NGLY1: variants seen among roughly 807,000 people sequenced by gnomAD.
NGLY1 encodes N-glycanase 1, also known as peptide-N(4)-(N-acetyl-beta-glucosaminyl)asparagine amidase.
In NGLY1, 68 loss-of-function variants were observed where a neutral mutation model predicts 84.6. The ratio of observed to expected loss-of-function variants is 0.80; its 90% CI spans 0.66 to 0.98. NGLY1 has a LOEUF of 0.98. Among genes scored for constraint, NGLY1 ranks in the 50% least tolerant of loss-of-function variants. The pLI, the probability that NGLY1 is intolerant of heterozygous loss-of-function variation, is 0.00. For missense variants in NGLY1, 779 were observed against 770.2 expected, an observed-to-expected ratio of 1.01 and a Z score of -0.14; for synonymous variants, 280 against 275.2, an observed-to-expected ratio of 1.02 and a Z score of -0.17.
At chr3:25,755,607 T>C in intron 3 of NGLY1, 5 of 1,493,162 alleles carry the variant, frequency 3.3e-6, no homozygotes, top group South Asian at 2.3e-5. Context: ...GGTTTCATCA[T>C]AGAACACAGC....
At position 25,751,161 on chromosome 3, in the gene NGLY1, G is replaced by A. The variant is rs764190715; in HGVS notation, c.595C>T (p.Pro199Ser). The A allele has an allele frequency of 6.2e-7, 1 of 1,613,432 alleles. No individual in the cohort carries two copies. Among genetic ancestry groups the A allele is most frequent in the Non-Finnish European group, 8.5e-7 (1 of 1,179,762 alleles). Reference sequence around the variant, plus strand: ...GATTTCCTTTTTAGTTCTTGGACCGGAATACAAGCCAACGCTTTCTCCTGA... The same window carrying A: ...GATTTCCTTTTTAGTTCTTGGACCGAAATACAAGCCAACGCTTTCTCCTGA... ...ALQEKALACI[P>S]VQELKRKSQE... The change falls in exon 4 of 12, where the codon CCG becomes TCG. Residue 199 changes from proline to serine, a missense_variant. Pro to Ser is a moderately conservative substitution (Grantham distance 74). Transcript: ENST00000280700.
chr3:25,776,870 T>G (rs896392733), intron 2 of NGLY1, among the ~76,000 whole-genome samples: 4 of 152,188 alleles, frequency 2.6e-5, no homozygotes, highest in Admixed American at 6.5e-5. Context: ...ATTGAGTACC[T>G]AACATCTGTA....
At chr3:25,750,013 C>G in intron 4 of NGLY1, 1 of 527,058 alleles carries the variant, frequency 1.9e-6, no homozygotes, top group South Asian at 2.2e-5. Context: ...TGTTCTTATG[C>G]TGCTATGATG....
chr3:25,734,015 A>G (rs1705690478), intron 7 of NGLY1, 33 bp from the exon 8 acceptor site: 3 of 1,606,344 alleles, frequency 1.9e-6, no homozygotes, highest in African/African-American at 1.3e-5. Flanking sequence ...AATACTTAAC[A>G]AGATTACAAC....
At chr3:25,732,516 GA>G (rs756409700) in intron 8 of NGLY1, 33 bp from the exon 9 acceptor site, 1 of 1,578,588 alleles carries the variant, frequency 6.3e-7, no homozygotes, top group East Asian at 2.2e-5. Context: ...AAGTTGTTAA[GA>G]TTAGGGGAAT....
At chr3:25,723,440 A>G (rs369409711) in intron 10 of NGLY1, among the ~76,000 whole-genome samples, 1 of 152,216 alleles carries the variant, frequency 6.6e-6, no homozygotes, top group African/African-American at 2.4e-5. Context: ...GAAAATTCCT[A>G]TCATCTTTTT....
At chr3:25,719,724 G>T in intron 11 of NGLY1, 89 bp from the exon 12 acceptor site, 1 of 1,019,824 alleles carries the variant, frequency 9.8e-7, no homozygotes, top group Non-Finnish European at 1.4e-6. Context: ...ATAGGCTGAT[G>T]TATAAGTTAA....
chr3:25,769,235 C>T (rs1365066571), intron 2 of NGLY1, among the ~76,000 whole-genome samples: 1 of 152,112 alleles, frequency 6.6e-6, no homozygotes, highest in Non-Finnish European at 1.5e-5. Context: ...ATGGCGTGCA[C>T]CTGCAGTCCC....
intron 4 of NGLY1, among the ~76,000 whole-genome samples, chr3:25,747,091 A>G (rs1186252466): frequency 1.3e-5 from 2 of 152,210 alleles, no homozygotes; most frequent in East Asian, 3.8e-4. Flanking sequence ...TTCATACATT[A>G]CATTTGTTGG....
chr3:25,733,357 G>T (rs540293509), intron 8 of NGLY1, among the ~76,000 whole-genome samples: 2 of 151,952 alleles, frequency 1.3e-5, no homozygotes, highest in Non-Finnish European at 2.9e-5. Flanking sequence ...TATCAAAGGG[G>T]TATAAAACAA....
At chr3:25,767,101 G>C (rs1015892021) in intron 2 of NGLY1, among the ~76,000 whole-genome samples, 3 of 152,152 alleles carry the variant, frequency 2.0e-5, no homozygotes, top group Non-Finnish European at 4.4e-5. Flanking sequence ...AGATCAGCCT[G>C]ACCAACATGG....
At chr3:25,757,781 T>C (rs529600087) in intron 3 of NGLY1, among the ~76,000 whole-genome samples, 1 of 152,346 alleles carries the variant, frequency 6.6e-6, no homozygotes, top group African/African-American at 2.4e-5. Flanking sequence ...TTTCTGTTTA[T>C]ATTTTGTCTG....
chr3:25,789,605 G>A (rs1201943834), intron 1 of NGLY1, among the ~76,000 whole-genome samples: 1 of 151,986 alleles, frequency 6.6e-6, no homozygotes, highest in East Asian at 1.9e-4. Flanking sequence ...TATTTTAAAC[G>A]GCTGCATGGC....
Position 25,737,468 on chromosome 3 carries a change from G to T in NGLY1, c.882-13C>A. On this transcript the variant is annotated splice_polypyrimidine_tract_variant and intron_variant, in intron 5 of 11. Transcript: ENST00000280700. ...AGGGTTATTATATCTGGTTTAAAAAGAAAAAAAACCTTAATTATCAAAATC... is the reference window on the plus strand; with the variant it reads ...AGGGTTATTATATCTGGTTTAAAAATAAAAAAAACCTTAATTATCAAAATC... The T allele has an allele frequency of 6.4e-7, 1 of 1,552,348 alleles. No homozygotes were observed. The highest frequency in any genetic ancestry group is 1.2e-5 in the South Asian group (1 of 84,946).
intron 2 of NGLY1, among the ~76,000 whole-genome samples, chr3:25,774,198 G>A (rs907165766): frequency 2.6e-5 from 4 of 152,212 alleles, no homozygotes; most frequent in African/African-American, 9.6e-5. Context: ...TCTTGGGGCA[G>A]AGTTGTTCTT....
chr3:25,724,205 T>C (rs982374871), intron 10 of NGLY1, among the ~76,000 whole-genome samples: 10 of 152,198 alleles, frequency 6.6e-5, no homozygotes, highest in African/African-American at 2.4e-4. Context: ...TTGGACTATA[T>C]TGTTTGAAGC....
At chr3:25,750,164 G>T (rs946009041) in intron 4 of NGLY1, among the ~76,000 whole-genome samples, 4 of 152,080 alleles carry the variant, frequency 2.6e-5, no homozygotes, top group Admixed American at 2.6e-4. Flanking sequence ...GTGCAAGCAG[G>T]GGAAACGCCA....
chr3:25,771,220 T>C (rs1210341864), intron 2 of NGLY1, among the ~76,000 whole-genome samples: 1 of 152,250 alleles, frequency 6.6e-6, no homozygotes, highest in Non-Finnish European at 1.5e-5. Flanking sequence ...TTGATTTTTG[T>C]ATAAGGTAAG....
At chr3:25,727,032 AG>A (rs887347081) in intron 10 of NGLY1, among the ~76,000 whole-genome samples, 3 of 152,292 alleles carry the variant, frequency 2.0e-5, no homozygotes, top group Middle Eastern at 3.4e-3. Flanking sequence ...GAGATTACTG[AG>A]AAAAACGGTA....
Sources: allele counts gnomAD v4.1 joint callset (sites outside exome capture counted in the v4.1 genomes callset), GRCh38; gene constraint gnomAD v4.1.1; transcripts MANE v1.5; gene names NCBI Gene and HGNC (gene_info 2026-07-23, HGNC 2026-07-21).